Variants in MAGI2 observed in about 807,000 individuals in gnomAD.
The protein encoded by MAGI2 is membrane-associated guanylate kinase, WW and PDZ domain-containing protein 2.
Under a neutral mutation model 133.3 loss-of-function variants are expected in MAGI2, and 35 were observed. The ratio of observed to expected loss-of-function variants is 0.26; its 90% confidence interval spans 0.20 to 0.35. The LOEUF (loss-of-function observed/expected upper bound fraction) is 0.35. Ranked by LOEUF, MAGI2 falls within the 10% of genes least tolerant of loss-of-function variation. The pLI is 1.00. For synonymous variants in MAGI2, 729 were observed against 710.6 expected, an observed-to-expected ratio of 1.03 and a Z score of -0.41; for missense variants, 1,636 against 1,863.4, an observed-to-expected ratio of 0.88 and a Z score of 2.25.
At chr7:79,025,425 G>A (rs934448523) in intron 1 of MAGI2, among the ~76,000 whole-genome samples, 2 of 152,114 alleles carry the variant, frequency 1.3e-5, no homozygotes, top group African/African-American at 2.4e-5. Flanking sequence ...GGGTGATGAA[G>A]TAATTTGTAA....
chr7:78,238,283 A>T (rs1293782085), intron 10 of MAGI2, among the ~76,000 whole-genome samples: 2 of 152,104 alleles, frequency 1.3e-5, no homozygotes, highest in South Asian at 4.2e-4. Context: ...GCTTAAAGGC[A>T]TCTCAAGCTT....
intron 9 of MAGI2, among the ~76,000 whole-genome samples, chr7:78,294,740 G>A (rs958301550): frequency 6.6e-6 from 1 of 151,962 alleles, no homozygotes; most frequent in Non-Finnish European, 1.5e-5. Context: ...CTGTGTACTC[G>A]GTACTACGCT....
chr7:78,374,503 T>C (rs1794246298), intron 6 of MAGI2, among the ~76,000 whole-genome samples: 3 of 152,190 alleles, frequency 2.0e-5, no homozygotes. Context: ...TCCTATTCTG[T>C]AGATCTTTTT....
At chr7:78,184,532 G>A (rs3807666) in intron 13 of MAGI2, 38,341 of 152,006 alleles carry the variant, frequency 0.25, 5,965 homozygotes, top group South Asian at 0.36. Context: ...TGTGTGCTGT[G>A]AGCCCACAGC....
chr7:78,136,372 G>C (rs1250042057), intron 16 of MAGI2, among the ~76,000 whole-genome samples: 1 of 151,976 alleles, frequency 6.6e-6, no homozygotes, highest in South Asian at 2.1e-4. Flanking sequence ...CGCCTGCCTC[G>C]GCCTCCCAAA....
At chr7:78,228,286 G>C (rs558333182) in intron 10 of MAGI2, among the ~76,000 whole-genome samples, 2 of 152,130 alleles carry the variant, frequency 1.3e-5, no homozygotes, top group African/African-American at 4.8e-5. Context: ...CCTAAGTTGC[G>C]GTCCCTAAAC....
intron 20 of MAGI2, among the ~76,000 whole-genome samples, chr7:78,109,258 C>A (rs1284306000): frequency 3.2e-4 from 36 of 112,142 alleles, no homozygotes; most frequent in Non-Finnish European, 5.1e-4. Context: ...GAGCCGACAT[C>A]GAGCCACTGC....
At chr7:79,313,255 T>C (rs928579953) in intron 1 of MAGI2, among the ~76,000 whole-genome samples, 1 of 152,158 alleles carries the variant, frequency 6.6e-6, no homozygotes, top group Non-Finnish European at 1.5e-5. Flanking sequence ...AAACTTTATT[T>C]TCTGAAGCAT....
At chr7:79,247,978 A>G (rs1405212801) in intron 1 of MAGI2, among the ~76,000 whole-genome samples, 2 of 152,190 alleles carry the variant, frequency 1.3e-5, no homozygotes, top group Non-Finnish European at 2.9e-5. Context: ...CAAAACAACC[A>G]GGACACAAAT....
At chr7:79,174,290 T>C (rs1170427846) in intron 1 of MAGI2, among the ~76,000 whole-genome samples, 1 of 152,112 alleles carries the variant, frequency 6.6e-6, no homozygotes, top group Non-Finnish European at 1.5e-5. Context: ...AAACAAAATA[T>C]AGATGAGTAT....
chr7:78,058,904 G>A (rs998003219), intron 21 of MAGI2, among the ~76,000 whole-genome samples: 6 of 152,212 alleles, frequency 3.9e-5, no homozygotes, highest in South Asian at 2.1e-4. Flanking sequence ...TGGCTCTGCC[G>A]TTTTCTCAAA....
intron 1 of MAGI2, among the ~76,000 whole-genome samples, chr7:79,254,779 G>A (rs118029045): frequency 0.016 from 2,485 of 152,152 alleles, 58 homozygotes; most frequent in Middle Eastern, 0.02. Context: ...AACTGAACTC[G>A]CTCAATCTAG....
At chr7:78,245,564 G>A (rs1791677943) in intron 10 of MAGI2, among the ~76,000 whole-genome samples, 2 of 152,158 alleles carry the variant, frequency 1.3e-5, no homozygotes, top group Non-Finnish European at 2.9e-5. Context: ...AAACCCTGTA[G>A]AGCACAGAAA....
At chr7:78,909,410 G>A (rs112814319) in intron 2 of MAGI2, among the ~76,000 whole-genome samples, 5,443 of 147,924 alleles carry the variant, frequency 0.037, 343 homozygotes, top group African/African-American at 0.13. Flanking sequence ...TGGTTAACAT[G>A]GTGAAACCCC....
chr7:78,354,390 T>G (rs79964856), intron 7 of MAGI2, among the ~76,000 whole-genome samples: 2,109 of 152,294 alleles, frequency 0.014, 43 homozygotes, highest in African/African-American at 0.048. Context: ...CTTTGGAGCT[T>G]GACTCTAAGG....
At chr7:78,595,946 T>C (rs768030120) in intron 3 of MAGI2, among the ~76,000 whole-genome samples, 2 of 152,108 alleles carry the variant, frequency 1.3e-5, no homozygotes, top group Non-Finnish European at 2.9e-5. Flanking sequence ...CAGCTCTCTT[T>C]TGGTAGATTT....
intron 2 of MAGI2, among the ~76,000 whole-genome samples, chr7:78,832,803 G>A (rs1195317496): frequency 6.6e-6 from 1 of 152,162 alleles, no homozygotes; most frequent in Non-Finnish European, 1.5e-5. Flanking sequence ...AGCATGTGAT[G>A]TGCTTCCCCC....
intron 1 of MAGI2, among the ~76,000 whole-genome samples, chr7:79,279,903 T>A (rs572620421): frequency 6.6e-6 from 1 of 152,214 alleles, no homozygotes; most frequent in Non-Finnish European, 1.5e-5. Context: ...TTACTAAAGA[T>A]ATCAACAGTG....
intron 6 of MAGI2, among the ~76,000 whole-genome samples, chr7:78,416,848 G>T (rs903184812): frequency 6.6e-6 from 1 of 152,108 alleles, no homozygotes; most frequent in Admixed American, 6.6e-5. Context: ...GGACATAGAA[G>T]GTGTGATTGA....
Sources: allele counts gnomAD v4.1 joint callset (sites outside exome capture counted in the v4.1 genomes callset), GRCh38; gene constraint gnomAD v4.1.1; transcripts MANE v1.5; gene names NCBI Gene and HGNC (gene_info 2026-07-23, HGNC 2026-07-21).